SAFB: variants seen among roughly 807,000 people sequenced by gnomAD.
The protein encoded by SAFB is scaffold attachment factor B1.
In SAFB, 15 loss-of-function variants were observed where a neutral mutation model predicts 101.6. That is an observed-to-expected ratio of 0.15 (90% CI 0.10 to 0.23). SAFB has a LOEUF of 0.23. Among genes scored for constraint, SAFB ranks in the 10% least tolerant of loss-of-function variants. SAFB has a pLI of 1.00. For synonymous variants in SAFB, 449 were observed against 407.5 expected, an observed-to-expected ratio of 1.10 and a Z score of -1.23; for missense variants, 930 against 1,104.1, an observed-to-expected ratio of 0.84 and a Z score of 2.23.
chr19:5,631,352 A>G lies in SAFB; in HGVS notation c.274+4863A>G, dbSNP rs970513972. 2.6e-5 allele frequency among the ~76,000 whole-genome samples: 4 copies of G among 152,204 alleles called. No individual in the cohort carries two copies. The South Asian group carries it at 6.2e-4, about 24-fold the overall frequency. The stretch of plus-strand genomic sequence containing the variant: ...ACTTCATGTAAAATGGAGCCATGCA[A>G]TACTAGCTCTTTTGTGTCTCATTTG... On this transcript the variant is annotated intron_variant, in intron 2 of 20. Coordinates refer to ENST00000588852, the MANE Select transcript of SAFB (RefSeq NM_001201338.2).
At chr19:5,633,282 C>CTA (rs2053527564) in intron 2 of SAFB, among the ~76,000 whole-genome samples, 1 of 152,212 alleles carries the variant, frequency 6.6e-6, no homozygotes, top group African/African-American at 2.4e-5. Flanking sequence ...TGCTTATTTA[C>CTA]TACAATGTGC....
At chr19:5,633,651 C>T (rs1056314381) in intron 2 of SAFB, among the ~76,000 whole-genome samples, 13 of 152,114 alleles carry the variant, frequency 8.5e-5, no homozygotes, top group Non-Finnish European at 1.6e-4. Context: ...TGGTGGCGGG[C>T]GCCTGTAGTC....
intron 2 of SAFB, among the ~76,000 whole-genome samples, chr19:5,640,847 T>C (rs1044095768): frequency 2.0e-5 from 3 of 152,078 alleles, no homozygotes; most frequent in African/African-American, 4.8e-5. Flanking sequence ...TGTCTCGGCC[T>C]CCTAATGTGC....
Position 5,642,009 on chromosome 19 carries a change from G to A in SAFB, c.546+63G>A, listed in dbSNP as rs537832211. On this transcript the variant is annotated intron_variant, in intron 4 of 20. Transcript: ENST00000588852. ...TGTATCAGTTCCACAATTAAAATAG[G>A]TGATCAGTTTCATATTGGGAAGTAA... 5.3e-6 allele frequency: 7 copies of A among 1,318,822 alleles called. No homozygotes were observed. In the East Asian group the frequency reaches 1.4e-4, roughly 26 times the overall value. 81.7% of individuals were successfully genotyped at this position (1,318,822 alleles called of 1,614,324 possible).
At chr19:5,630,749 C>T (rs532035412) in intron 2 of SAFB, among the ~76,000 whole-genome samples, 3 of 143,624 alleles carry the variant, frequency 2.1e-5, no homozygotes, top group Non-Finnish European at 3.0e-5. Context: ...AGTGAAGCTT[C>T]GTCTCAAAAA....
chr19:5,625,222 T>A (rs2053331591), intron 1 of SAFB, among the ~76,000 whole-genome samples: 1 of 152,220 alleles, frequency 6.6e-6, no homozygotes, highest in Non-Finnish European at 1.5e-5. Context: ...CTTTCTTGGT[T>A]TATTTTTCCA....
At chr19:5,649,671 C>T in intron 7 of SAFB, 172 bp downstream of exon 7, 1 of 638,864 alleles carries the variant, frequency 1.6e-6, no homozygotes, top group South Asian at 2.0e-5. Context: ...TGATTCAATT[C>T]CTTTTCTTTT....
intron 4 of SAFB, 172 bp downstream of exon 4, chr19:5,642,118 G>A (rs1026636004): frequency 1.4e-6 from 1 of 691,720 alleles, no homozygotes; most frequent in African/African-American, 1.8e-5. Context: ...GAAAGGTGAT[G>A]TCTTATAACA....
intron 4 of SAFB, among the ~76,000 whole-genome samples, chr19:5,642,926 C>T (rs2053754046): frequency 6.6e-6 from 1 of 152,012 alleles, no homozygotes; most frequent in Non-Finnish European, 1.5e-5. Context: ...CTCAGACTCC[C>T]AAAGTGCTGA....
At chr19:5,641,213 A>G (rs16993073) in intron 2 of SAFB, among the ~76,000 whole-genome samples, 8,387 of 152,260 alleles carry the variant, frequency 0.055, 468 homozygotes, top group African/African-American at 0.14. Context: ...ATACTCGGGC[A>G]TGCGCAGTTT....
intron 2 of SAFB, among the ~76,000 whole-genome samples, chr19:5,632,691 A>G (rs1268465009): frequency 6.6e-6 from 1 of 152,192 alleles, no homozygotes; most frequent in East Asian, 1.9e-4. Context: ...ATAAGGATCA[A>G]GTTATACGCT....
At chr19:5,625,791 A>C (rs10518245) in intron 1 of SAFB, among the ~76,000 whole-genome samples, 54,991 of 151,994 alleles carry the variant, frequency 0.36, 10,578 homozygotes, top group East Asian at 0.74. Context: ...CTAGTGGTTG[A>C]GAATGAGGTA....
At chr19:5,644,436 C>CGT (rs879766657) in intron 4 of SAFB, among the ~76,000 whole-genome samples, 1 of 152,328 alleles carries the variant, frequency 6.6e-6, no homozygotes, top group Admixed American at 6.5e-5. Flanking sequence ...GAATGATGTG[C>CGT]TGCCCCTGGT....
At chr19:5,648,755 G>T (rs952858095) in intron 6 of SAFB, 18 of 712,264 alleles carry the variant, frequency 2.5e-5, no homozygotes, top group Admixed American at 2.2e-4. Context: ...GGTTTTGGGG[G>T]TTAAATCTCT....
At chr19:5,639,347 T>G (rs150564823) in intron 2 of SAFB, among the ~76,000 whole-genome samples, 1 of 152,256 alleles carries the variant, frequency 6.6e-6, no homozygotes, top group East Asian at 1.9e-4. Flanking sequence ...CATCCAAGCA[T>G]GAAGGTATAA....
rs185190515 is a variant in SAFB at position 5,653,984 on chromosome 19, G to A, written c.1527-77G>A. On this transcript the variant is annotated intron_variant, in intron 11 of 20. Coordinates refer to ENST00000588852, the MANE Select transcript of SAFB (RefSeq NM_001201338.2). Reference sequence around the variant, plus strand: ...TCGAACTCCCGGTCTCATGTGATCCGCCCGCCTCATCCCCCCAAAGTGCTG... The same window carrying A: ...TCGAACTCCCGGTCTCATGTGATCCACCCGCCTCATCCCCCCAAAGTGCTG... The A allele has an allele frequency of 8.2e-4, 1,163 of 1,419,448 alleles. 11 individuals carry two copies. The African/African-American group carries it at 0.015, about 18-fold the overall frequency. 87.9% of individuals were successfully genotyped at this position (1,419,448 alleles called of 1,614,324 possible).
chr19:5,653,474 GTTT>G, intron 11 of SAFB, 54 bp downstream of exon 11: 1 of 1,542,696 alleles, frequency 6.5e-7, no homozygotes, highest in Non-Finnish European at 8.9e-7. Context: ...TGTTGTTGTT[GTTT>G]TGTTTTTGAG....
intron 2 of SAFB, among the ~76,000 whole-genome samples, chr19:5,635,027 A>G (rs762310721): frequency 1.3e-5 from 2 of 151,942 alleles, no homozygotes; most frequent in Non-Finnish European, 2.9e-5. Flanking sequence ...AATCCCAGCT[A>G]CTCGGGAGGC....
intron 15 of SAFB, among the ~76,000 whole-genome samples, chr19:5,663,577 C>T (rs974816371): frequency 2.0e-5 from 3 of 152,136 alleles, no homozygotes; most frequent in African/African-American, 7.2e-5. Context: ...CTTCTGATGA[C>T]AGTTCATTAT....
Sources: gnomAD v4.1 joint callset for allele counts (sites outside exome capture counted in the v4.1 genomes callset) on GRCh38, gnomAD v4.1.1 for gene constraint, MANE v1.5 for transcripts, NCBI Gene and HGNC (gene_info 2026-07-23, HGNC 2026-07-21) for gene names.